The following NPAS3 variants were observed in gnomAD, a reference collection of about 807,000 sequenced individuals.
NPAS3 encodes neuronal PAS domain-containing protein 3.
In NPAS3, 14 loss-of-function variants were observed where a neutral mutation model predicts 73.1. The observed-to-expected ratio is 0.19, with a 90% CI of 0.13 to 0.30. NPAS3 has a LOEUF of 0.30. Among genes scored for constraint, NPAS3 ranks in the 10% least tolerant of loss-of-function variants. NPAS3 has a pLI of 1.00. For synonymous variants in NPAS3, 620 were observed against 541.5 expected, an observed-to-expected ratio of 1.14 and a Z score of -2.01; for missense variants, 1,096 against 1,250.0, an observed-to-expected ratio of 0.88 and a Z score of 1.86.
chr14:33,277,333 G>A (rs147905026), intron 3 of NPAS3, among the ~76,000 whole-genome samples: 1 of 152,104 alleles, frequency 6.6e-6, no homozygotes, highest in Non-Finnish European at 1.5e-5. Flanking sequence ...ACCATATGCA[G>A]TTCACTGTAT....
At chr14:33,510,768 T>C (rs12881368) in intron 4 of NPAS3, among the ~76,000 whole-genome samples, 80,997 of 151,942 alleles carry the variant, frequency 0.53, 21,922 homozygotes, top group South Asian at 0.67. Flanking sequence ...CTAAGGTGAA[T>C]GTGGATGCAT....
intron 3 of NPAS3, among the ~76,000 whole-genome samples, chr14:33,222,890 G>T (rs928866712): frequency 7.2e-5 from 11 of 152,164 alleles, no homozygotes; most frequent in African/African-American, 1.9e-4. Context: ...GGAATAATGT[G>T]AAAACAAAGG....
intron 3 of NPAS3, among the ~76,000 whole-genome samples, chr14:33,321,665 G>A (rs892036811): frequency 2.6e-5 from 4 of 151,984 alleles, no homozygotes; most frequent in Non-Finnish European, 5.9e-5. Context: ...GTAAAATGGA[G>A]TTAAAGATCA....
intron 7 of NPAS3, among the ~76,000 whole-genome samples, chr14:33,750,967 A>G (rs377496981): frequency 6.6e-6 from 1 of 152,222 alleles, no homozygotes; most frequent in African/African-American, 2.4e-5. Flanking sequence ...ACCTACAGAG[A>G]TATGAAGGAA....
At chr14:33,462,062 TG>T (rs1021711777) in intron 4 of NPAS3, among the ~76,000 whole-genome samples, 1 of 152,204 alleles carries the variant, frequency 6.6e-6, no homozygotes, top group Admixed American at 6.5e-5. Context: ...TATTTATCTC[TG>T]TACTCTCCAT....
At chr14:33,549,538 A>G (rs553234133) in intron 4 of NPAS3, among the ~76,000 whole-genome samples, 1 of 152,190 alleles carries the variant, frequency 6.6e-6, no homozygotes, top group Non-Finnish European at 1.5e-5. Context: ...AAAGAAAAAA[A>G]CAATCACAGT....
Position 33,759,087 on chromosome 14 carries a change from T to C in NPAS3, c.853-15250T>C, listed in dbSNP as rs974307931. Among the ~76,000 whole-genome samples the C allele has an allele frequency of 5.3e-5, 8 of 152,212 alleles. 1 individual carries two copies. The highest frequency in any genetic ancestry group is 1.9e-4 in the African/African-American group (8 of 41,460). ...TGCCCACTTCTGAGTTTAGATCTCC[T>C]GCCTCTGTACAATTTCCCTCCCACT... On this transcript the variant is annotated intron_variant, in intron 7 of 11. Transcript: ENST00000356141.
intron 6 of NPAS3, among the ~76,000 whole-genome samples, chr14:33,686,509 C>T (rs191428679): frequency 6.6e-6 from 1 of 152,278 alleles, no homozygotes; most frequent in East Asian, 1.9e-4. Flanking sequence ...AATGCAATTG[C>T]CATTACTCAT....
At chr14:33,172,805 A>G (rs1042919944) in intron 2 of NPAS3, among the ~76,000 whole-genome samples, 1 of 152,180 alleles carries the variant, frequency 6.6e-6, no homozygotes, top group Non-Finnish European at 1.5e-5. Context: ...TCTTATATCA[A>G]AAATTGTCTA....
intron 4 of NPAS3, among the ~76,000 whole-genome samples, chr14:33,378,020 T>C (rs17100890): frequency 0.03 from 4,640 of 152,310 alleles, 103 homozygotes; most frequent in Middle Eastern, 0.061. Context: ...TAACATAGGC[T>C]AGTGGCTTTT....
chr14:32,981,849 G>A (rs190392561), intron 1 of NPAS3, among the ~76,000 whole-genome samples: 8 of 152,250 alleles, frequency 5.3e-5, no homozygotes, highest in East Asian at 1.9e-4. Context: ...AATCCAGGCC[G>A]TTTTCTTTTC....
intron 2 of NPAS3, among the ~76,000 whole-genome samples, chr14:33,125,844 A>G (rs933749143): frequency 5.3e-5 from 8 of 152,216 alleles, no homozygotes; most frequent in African/African-American, 1.7e-4. Flanking sequence ...GTAATGTTTT[A>G]GATAGACTAG....
intron 3 of NPAS3, among the ~76,000 whole-genome samples, chr14:33,333,555 T>C (rs1372080335): frequency 6.6e-6 from 1 of 150,942 alleles, no homozygotes; most frequent in Non-Finnish European, 1.5e-5. Context: ...GTCTAACAAG[T>C]TTAAATGAGA....
intron 3 of NPAS3, among the ~76,000 whole-genome samples, chr14:33,328,149 A>G (rs1201778834): frequency 6.6e-6 from 1 of 152,086 alleles, no homozygotes; most frequent in Non-Finnish European, 1.5e-5. Flanking sequence ...CTTATTTTTT[A>G]ATAGTGATGT....
At chr14:33,477,380 A>T (rs932614331) in intron 4 of NPAS3, among the ~76,000 whole-genome samples, 4 of 152,180 alleles carry the variant, frequency 2.6e-5, no homozygotes, top group Admixed American at 2.6e-4. Context: ...GGAAAAATCA[A>T]CTTGGGACTC....
chr14:33,732,742 G>A (rs536385258), intron 6 of NPAS3, among the ~76,000 whole-genome samples: 10 of 152,230 alleles, frequency 6.6e-5, no homozygotes, highest in East Asian at 3.9e-4. Flanking sequence ...CGCTTACACC[G>A]GTTGTCCTGG....
intron 4 of NPAS3, among the ~76,000 whole-genome samples, chr14:33,420,555 T>C (rs1387504285): frequency 6.6e-6 from 1 of 151,888 alleles, no homozygotes; most frequent in African/African-American, 2.4e-5. Flanking sequence ...AGGCAACATA[T>C]GGGCCTGTTA....
At chr14:33,535,202 A>G (rs1045733564) in intron 4 of NPAS3, among the ~76,000 whole-genome samples, 1 of 152,182 alleles carries the variant, frequency 6.6e-6, no homozygotes, top group African/African-American at 2.4e-5. Context: ...CACCTTTACT[A>G]AAAGAAATCT....
chr14:33,022,983 A>G (rs1470277335), intron 1 of NPAS3, among the ~76,000 whole-genome samples: 1 of 152,114 alleles, frequency 6.6e-6, no homozygotes, highest in East Asian at 1.9e-4. Flanking sequence ...TTTTTAATCT[A>G]AAACTGTTAA....
Sources: allele counts gnomAD v4.1 joint callset (sites outside exome capture counted in the v4.1 genomes callset), GRCh38; gene constraint gnomAD v4.1.1; transcripts MANE v1.5; gene names NCBI Gene and HGNC (gene_info 2026-07-23, HGNC 2026-07-21).